Variants in FAM117B observed in about 807,000 individuals in gnomAD.
The protein encoded by FAM117B is protein FAM117B.
In FAM117B, 22 loss-of-function variants were observed where a neutral mutation model predicts 52.8. The observed-to-expected ratio is 0.42, with a 90% CI of 0.30 to 0.59. The LOEUF (loss-of-function observed/expected upper bound fraction) is 0.59. FAM117B is among the 20% of genes least tolerant of loss of function. FAM117B has a pLI of 0.22. For synonymous variants in FAM117B, 309 were observed against 324.1 expected, an observed-to-expected ratio of 0.95 and a Z score of 0.50; for missense variants, 678 against 802.6, an observed-to-expected ratio of 0.84 and a Z score of 1.88.
intron 1 of FAM117B, among the ~76,000 whole-genome samples, chr2:202,674,032 C>T (rs1690341239): frequency 6.6e-6 from 1 of 152,084 alleles, no homozygotes; most frequent in Admixed American, 6.6e-5. Context: ...TGCACCCCCC[C>T]CACCTCTGAA....
intron 2 of FAM117B, among the ~76,000 whole-genome samples, chr2:202,703,280 T>G (rs1690822218): frequency 6.6e-6 from 1 of 152,246 alleles, no homozygotes; most frequent in African/African-American, 2.4e-5. Flanking sequence ...ACAGTTTGTT[T>G]TCCTGCATCT....
chr2:202,762,962 A>G (rs1392080305), intron 7 of FAM117B, among the ~76,000 whole-genome samples: 1 of 152,074 alleles, frequency 6.6e-6, no homozygotes, highest in Non-Finnish European at 1.5e-5. Flanking sequence ...GATTCCTGTC[A>G]TTAAAAAAAC....
chr2:202,744,979 A>C (rs1691609162), intron 4 of FAM117B, among the ~76,000 whole-genome samples: 1 of 46,100 alleles, frequency 2.2e-5, no homozygotes, highest in Non-Finnish European at 6.9e-5. Context: ...TCTGTCTCAA[A>C]AAAAAAAAAA....
At chr2:202,660,990 T>A (rs1690119445) in intron 1 of FAM117B, among the ~76,000 whole-genome samples, 2 of 152,210 alleles carry the variant, frequency 1.3e-5, no homozygotes, top group Non-Finnish European at 2.9e-5. Context: ...TCCTACCTAG[T>A]CCATTGGCCA....
intron 1 of FAM117B, among the ~76,000 whole-genome samples, chr2:202,666,166 A>G (rs1460504862): frequency 6.6e-6 from 1 of 152,162 alleles, no homozygotes; most frequent in African/African-American, 2.4e-5. Context: ...TTGATGATAG[A>G]GACTTTGTTG....
chr2:202,715,607 C>T (rs1691039734), intron 2 of FAM117B, among the ~76,000 whole-genome samples: 1 of 149,974 alleles, frequency 6.7e-6, no homozygotes, highest in African/African-American at 2.5e-5. Context: ...ACTGGGCAGC[C>T]AGGCAGAGGG....
chr2:202,767,960 T>C lies in FAM117B; in HGVS notation c.*2196T>C, dbSNP rs1263521458. 6.6e-6 allele frequency: 1 copy of C among 152,206 alleles called. No individual in the cohort carries two copies. Among genetic ancestry groups the C allele is most frequent in the African/African-American group, 2.4e-5 (1 of 41,456 alleles). The allele number at this position is 152,206 out of a possible 1,614,324, so 9.4% of individuals were successfully genotyped here. ...ATTTTCTCACTGAGAGCCTTGATAT[T>C]TTGCCTTCTTTGTTATGCATTATAA... is the stretch of plus-strand genomic sequence containing the variant. On this transcript the variant is annotated 3_prime_UTR_variant, in exon 8 of 8. Transcript: ENST00000392238.
chr2:202,691,332 T>C (rs928960375), intron 1 of FAM117B, among the ~76,000 whole-genome samples: 1 of 152,012 alleles, frequency 6.6e-6, no homozygotes, highest in East Asian at 1.9e-4. Context: ...GGCAGGAGAA[T>C]TGCTTGAACT....
chr2:202,736,078 A>T (rs1367816937), intron 4 of FAM117B, among the ~76,000 whole-genome samples: 1 of 152,204 alleles, frequency 6.6e-6, no homozygotes, highest in East Asian at 1.9e-4. Context: ...GCCAAGAGAC[A>T]GTGAGGTAGA....
At chr2:202,737,049 T>C (rs1004943358) in intron 4 of FAM117B, among the ~76,000 whole-genome samples, 7 of 152,074 alleles carry the variant, frequency 4.6e-5, no homozygotes, top group African/African-American at 1.7e-4. Context: ...AGCATTAAAA[T>C]GAAAGGAGTC....
intron 4 of FAM117B, among the ~76,000 whole-genome samples, chr2:202,731,343 A>ATG (rs1474890942): frequency 3.3e-5 from 4 of 121,912 alleles, no homozygotes; most frequent in East Asian, 2.7e-4. Flanking sequence ...ATATATATAT[A>ATG]TATATATATA....
intron 4 of FAM117B, among the ~76,000 whole-genome samples, chr2:202,747,574 A>G (rs1047582006): frequency 6.6e-6 from 1 of 152,208 alleles, no homozygotes; most frequent in African/African-American, 2.4e-5. Context: ...TACAAAAAAA[A>G]TCACAAAACT....
chr2:202,757,228 G>A lies in FAM117B; in HGVS notation c.1120G>A (p.Asp374Asn). ...EEQLIPQDIP[D>N]GHRAPPPLVQ... ...TTTGTAACAGCCGCAAGATATTCCAGATGGCCATCGTGCTCCACCCCCCCT... is the reference window on the plus strand; with the variant it reads ...TTTGTAACAGCCGCAAGATATTCCAAATGGCCATCGTGCTCCACCCCCCCT... Residue 374 changes from aspartate (D) to asparagine (N), a missense_variant, in exon 6 of 8, where the codon GAT (aspartate) becomes AAT (asparagine). Transcript: ENST00000392238. The A allele has an allele frequency of 6.2e-7, 1 of 1,613,914 alleles. No homozygotes were observed. Among genetic ancestry groups the A allele is most frequent in the Non-Finnish European group, 8.5e-7 (1 of 1,179,904 alleles).
chr2:202,648,847 T>A (rs1165833608), intron 1 of FAM117B, among the ~76,000 whole-genome samples: 1 of 152,014 alleles, frequency 6.6e-6, no homozygotes, highest in Non-Finnish European at 1.5e-5. Flanking sequence ...CTGCAACCTC[T>A]GACTCCCGGG....
At chr2:202,717,147 C>T (rs573507700) in intron 2 of FAM117B, among the ~76,000 whole-genome samples, 1 of 152,122 alleles carries the variant, frequency 6.6e-6, no homozygotes, top group Non-Finnish European at 1.5e-5. Context: ...ACCTGTCCTT[C>T]TTGGGAAAGC....
chr2:202,741,775 A>T (rs533413730), intron 4 of FAM117B, among the ~76,000 whole-genome samples: 2 of 152,108 alleles, frequency 1.3e-5, no homozygotes, highest in East Asian at 1.9e-4. Flanking sequence ...TGACCTCGTG[A>T]TCCACCTGCC....
intron 1 of FAM117B, among the ~76,000 whole-genome samples, chr2:202,680,735 A>G (rs1340460517): frequency 1.3e-5 from 2 of 152,220 alleles, no homozygotes; most frequent in African/African-American, 2.4e-5. Context: ...CTGTAAACCC[A>G]GGTTGAATTT....
intron 1 of FAM117B, among the ~76,000 whole-genome samples, chr2:202,638,069 T>C (rs1689714422): frequency 6.6e-6 from 1 of 152,000 alleles, no homozygotes; most frequent in Admixed American, 6.6e-5. Flanking sequence ...AGATACAGGG[T>C]TTCTCCACAT....
intron 5 of FAM117B, among the ~76,000 whole-genome samples, chr2:202,756,277 G>A (rs1186546268): frequency 6.6e-6 from 1 of 151,968 alleles, no homozygotes; most frequent in Admixed American, 6.6e-5. Context: ...AAATAAGCTG[G>A]GCATGGTGGT....
Sources: allele counts gnomAD v4.1 joint callset (sites outside exome capture counted in the v4.1 genomes callset), GRCh38; gene constraint gnomAD v4.1.1; transcripts MANE v1.5; gene names NCBI Gene and HGNC (gene_info 2026-07-23, HGNC 2026-07-21).